The following SYT17 variants were observed in gnomAD, a reference collection of about 807,000 sequenced individuals.
SYT17 encodes synaptotagmin-17.
A neutral mutation model predicts 46.7 loss-of-function variants in SYT17; 22 were observed. The observed-to-expected ratio is 0.47, with a 90% CI of 0.34 to 0.67. SYT17 has a LOEUF of 0.67. Among genes scored for constraint, SYT17 ranks in the 30% least tolerant of loss-of-function variants. The pLI is 0.01. For synonymous variants in SYT17, 251 were observed against 248.4 expected, an observed-to-expected ratio of 1.01 and a Z score of -0.10; for missense variants, 519 against 612.8, an observed-to-expected ratio of 0.85 and a Z score of 1.62.
intron 5 of SYT17, among the ~76,000 whole-genome samples, chr16:19,218,322 C>G (rs1329025057): frequency 6.6e-6 from 1 of 152,120 alleles, no homozygotes; most frequent in African/African-American, 2.4e-5. Flanking sequence ...AACTGCTCCC[C>G]TGACTCCAGA....
intron 7 of SYT17, among the ~76,000 whole-genome samples, chr16:19,262,256 A>G (rs762532035): frequency 5.1e-4 from 77 of 152,232 alleles, no homozygotes; most frequent in Non-Finnish European, 9.4e-4. Context: ...TGATTAGACC[A>G]TGAAGGCTCT....
At chr16:19,226,557 G>A (rs1377497581) in intron 7 of SYT17, among the ~76,000 whole-genome samples, 2 of 152,198 alleles carry the variant, frequency 1.3e-5, no homozygotes, top group Non-Finnish European at 1.5e-5. Flanking sequence ...ATCAGGGGAT[G>A]CCTGCCATAT....
chr16:19,203,519 G>A (rs992135672), intron 5 of SYT17, among the ~76,000 whole-genome samples: 2 of 152,202 alleles, frequency 1.3e-5, no homozygotes, highest in African/African-American at 4.8e-5. Context: ...ATTGGTCAAT[G>A]TTTCCGCTGT....
chr16:19,203,664 G>C (rs1237976396), intron 5 of SYT17, among the ~76,000 whole-genome samples: 1 of 152,248 alleles, frequency 6.6e-6, no homozygotes, highest in Non-Finnish European at 1.5e-5. Context: ...AGAATCCTGA[G>C]TGGTTCCCTC....
chr16:19,232,773 A>T (rs897595392), intron 7 of SYT17, among the ~76,000 whole-genome samples: 1 of 152,016 alleles, frequency 6.6e-6, no homozygotes. Flanking sequence ...TGGAGGTTGC[A>T]GTGACCCGAG....
chr16:19,219,752 A>C (rs1408567962), intron 5 of SYT17, among the ~76,000 whole-genome samples: 3 of 152,220 alleles, frequency 2.0e-5, no homozygotes, highest in Non-Finnish European at 2.9e-5. Context: ...TCTGTGTGCT[A>C]TCCATCCCCC....
intron 7 of SYT17, among the ~76,000 whole-genome samples, chr16:19,255,813 TGCAGACCACGACAAAGAGG>T (rs1456495104): frequency 6.6e-6 from 1 of 152,126 alleles, no homozygotes; most frequent in African/African-American, 2.4e-5. Context: ...CAATATTGCC[TGCAGACCACGACAAAGAGG>T]GCTTCTACCT....
intron 7 of SYT17, among the ~76,000 whole-genome samples, chr16:19,244,509 T>C (rs974851262): frequency 6.6e-6 from 1 of 151,380 alleles, no homozygotes; most frequent in South Asian, 2.1e-4. Flanking sequence ...TTTTAAAAAA[T>C]TTTTTGTAGA....
intron 7 of SYT17, among the ~76,000 whole-genome samples, chr16:19,239,398 C>T (rs560832720): frequency 2.6e-5 from 4 of 152,302 alleles, no homozygotes; most frequent in Admixed American, 6.5e-5. Context: ...TTTGAGGAAA[C>T]GTGCTGTAGT....
chr16:19,254,011 G>A (rs1968380375), intron 7 of SYT17, among the ~76,000 whole-genome samples: 1 of 152,170 alleles, frequency 6.6e-6, no homozygotes, highest in African/African-American at 2.4e-5. Context: ...TTACAGGGGT[G>A]AACCACCGCA....
intron 5 of SYT17, among the ~76,000 whole-genome samples, chr16:19,211,707 G>A (rs1406487376): frequency 6.6e-6 from 1 of 151,350 alleles, no homozygotes; most frequent in Non-Finnish European, 1.5e-5. Flanking sequence ...TGCAAGCTCC[G>A]CTCCACCTCC....
chr16:19,242,791 A>G (rs146049126), intron 7 of SYT17, among the ~76,000 whole-genome samples: 3,969 of 152,152 alleles, frequency 0.026, 151 homozygotes, highest in African/African-American at 0.091. Flanking sequence ...GGCCTCCCAA[A>G]GTCCTAGGAT....
rs1567200748 is a variant in SYT17, at chr16:19,183,002, A to G, written c.332-526A>G. 6.6e-6 allele frequency among the ~76,000 whole-genome samples: 1 copy of G among 152,204 alleles called. No individual in the cohort carries two copies. The highest frequency in any genetic ancestry group is 2.4e-5 in the African/African-American group (1 of 41,450). On this transcript the variant is annotated intron_variant, in intron 4 of 7. Transcript: ENST00000355377. The surrounding 1 kb of genome is among the most constrained non-coding windows in gnomAD (Gnocchi z 5.6). ...GAATATGCCCGGAGTCACATGGCTCACTGGTAATGAGTACACGAGTAGTGA... is the reference window on the plus strand; with the variant it reads ...GAATATGCCCGGAGTCACATGGCTCGCTGGTAATGAGTACACGAGTAGTGA...
At chr16:19,178,359 A>G (rs1964405813) in intron 3 of SYT17, among the ~76,000 whole-genome samples, 1 of 151,610 alleles carries the variant, frequency 6.6e-6, no homozygotes, top group Non-Finnish European at 1.5e-5. Context: ...TGCTGGGATT[A>G]CAGACGTGAG....
intron 7 of SYT17, among the ~76,000 whole-genome samples, chr16:19,231,969 T>G: frequency 6.6e-6 from 1 of 150,898 alleles, no homozygotes; most frequent in East Asian, 1.9e-4. Flanking sequence ...GTCTGTGGAG[T>G]GAGAGGAGCT....
chr16:19,184,010 A>G lies in SYT17; in HGVS notation c.814A>G (p.Arg272Gly). 6.2e-7 allele frequency: 1 copy of G among 1,614,078 alleles called. No homozygotes were observed. Among genetic ancestry groups the G allele is most frequent in the Non-Finnish European group, 8.5e-7 (1 of 1,180,014 alleles). The change falls in exon 5 of 8, where the codon AGG becomes GGG. Residue 272 changes from arginine to glycine, a missense_variant. Transcript: ENST00000355377. ...GATCCCCTTCCTGGAGGCCCAGAGG[A>G]GGACCCTGCTCCTGACCGTGGTGGA... ...FEIPFLEAQR[R>G]TLLLTVVDFD...
chr16:19,197,220 T>A (rs897604126), intron 5 of SYT17, among the ~76,000 whole-genome samples: 3 of 152,238 alleles, frequency 2.0e-5, no homozygotes, highest in Admixed American at 6.5e-5. Flanking sequence ...TTTGGCAATG[T>A]TGTGTGGCCA....
chr16:19,207,909 G>GA (rs1040892068), intron 5 of SYT17, among the ~76,000 whole-genome samples: 1 of 150,556 alleles, frequency 6.6e-6, no homozygotes, highest in Non-Finnish European at 1.5e-5. Context: ...AACAAAACAG[G>GA]AAAAAAAAGA....
At chr16:19,172,402 A>G (rs1306765615) in intron 1 of SYT17, 6 of 1,422,834 alleles carry the variant, frequency 4.2e-6, no homozygotes, top group Non-Finnish European at 5.5e-6. Flanking sequence ...ATTTCTGTAT[A>G]GGAAGGTTTG....
Sources: gnomAD v4.1 joint callset for allele counts (sites outside exome capture counted in the v4.1 genomes callset) on GRCh38, gnomAD v4.1.1 for gene constraint, Gnocchi (gnomAD v3.1) non-coding constraint, MANE v1.5 for transcripts, NCBI Gene and HGNC (gene_info 2026-07-23, HGNC 2026-07-21) for gene names.